SYT6: variants seen among roughly 807,000 people sequenced by gnomAD.
The protein encoded by SYT6 is synaptotagmin-6.
Under a neutral mutation model 38.4 loss-of-function variants are expected in SYT6, and 24 were observed. The ratio of observed to expected loss-of-function variants is 0.62; its 90% CI spans 0.45 to 0.88. The LOEUF is 0.88. Among genes scored for constraint, SYT6 ranks in the 40% least tolerant of loss-of-function variants. The pLI is 0.00. For missense variants in SYT6, 611 were observed against 621.0 expected, an observed-to-expected ratio of 0.98 and a Z score of 0.17; for synonymous variants, 265 against 241.9, an observed-to-expected ratio of 1.10 and a Z score of -0.89.
intron 3 of SYT6, among the ~76,000 whole-genome samples, chr1:114,104,319 T>C (rs563426206): frequency 1.3e-5 from 2 of 152,340 alleles, no homozygotes; most frequent in South Asian, 4.1e-4. Context: ...TCAGGTCCAC[T>C]TTCTCTTTTC....
At chr1:114,118,630 G>A (rs1418454897) in intron 3 of SYT6, among the ~76,000 whole-genome samples, 1 of 152,226 alleles carries the variant, frequency 6.6e-6, no homozygotes, top group East Asian at 1.9e-4. Flanking sequence ...TCCTGCTGCT[G>A]CTGCAGAGGG....
At chr1:114,135,944 T>A (rs1279112700) in intron 3 of SYT6, among the ~76,000 whole-genome samples, 1 of 152,310 alleles carries the variant, frequency 6.6e-6, no homozygotes, top group African/African-American at 2.4e-5. Context: ...GAGTGATTTA[T>A]GGAGTGGAGC....
intron 3 of SYT6, among the ~76,000 whole-genome samples, chr1:114,125,887 G>A (rs116776245): frequency 0.042 from 6,401 of 152,106 alleles, 175 homozygotes; most frequent in Non-Finnish European, 0.06. Flanking sequence ...GATCTTCCTT[G>A]CATGGAAAAG....
chr1:114,099,230 G>T lies in SYT6; in HGVS notation c.1228C>A (p.Arg410=). Reference sequence around the variant, plus strand: ...GTTGTTTTCTTCTTCTTCAGCCTCCGCCCATCACAGAGCAAGGACACTTTC... The same window carrying T: ...GTTGTTTTCTTCTTCTTCAGCCTCCTCCCATCACAGAGCAAGGACACTTTC... ...YVKVSLLCDG[R]RLKKKKTTIK... is the part of the protein sequence containing the mutation. The change falls in exon 5 of 8, where the codon CGG becomes AGG. Residue 410 remains arginine (R), a synonymous_variant. Coordinates refer to ENST00000610222, the MANE Select transcript of SYT6 (RefSeq NM_001253772.2). 1 of 1,613,654 alleles carries T rather than the reference G, an allele frequency of 6.2e-7. No homozygotes were observed. The highest frequency in any genetic ancestry group is 8.5e-7 in the Non-Finnish European group (1 of 1,179,780).
chr1:114,102,157 C>T (rs1676009906), intron 4 of SYT6, among the ~76,000 whole-genome samples: 1 of 152,208 alleles, frequency 6.6e-6, no homozygotes, highest in South Asian at 2.1e-4. Flanking sequence ...CAGCAAAATC[C>T]TATTTCCCTC....
intron 1 of SYT6, among the ~76,000 whole-genome samples, chr1:114,151,648 C>T (rs1218474853): frequency 7.9e-5 from 12 of 152,176 alleles, no homozygotes; most frequent in Non-Finnish European, 1.8e-4. Context: ...TATGTTCTCA[C>T]CCTCTAGGCT....
rs1230579547 is a variant in SYT6, at chr1:114,107,091, T to G, written c.1072-3370A>C. 2.6e-5 allele frequency among the ~76,000 whole-genome samples: 4 copies of G among 152,338 alleles called. No homozygotes were observed. In the East Asian group the frequency reaches 7.7e-4, roughly 29 times the overall value. On this transcript the variant is annotated intron_variant, in intron 3 of 7. Transcript: ENST00000610222. ...TGAGAGGGAGCAAACAAAAGGCCAC[T>G]GTCACCATTTCCCCACCACCAAGTC...
intron 5 of SYT6, 116 bp downstream of exon 5, chr1:114,098,978 A>T: frequency 9.7e-7 from 1 of 1,025,998 alleles, no homozygotes; most frequent in Non-Finnish European, 1.4e-6. Context: ...GATAGATTTG[A>T]GGCCTGAACC....
chr1:114,144,882 G>A (rs545434489), intron 1 of SYT6, among the ~76,000 whole-genome samples: 108 of 152,094 alleles, frequency 7.1e-4, no homozygotes, highest in African/African-American at 2.5e-3. Flanking sequence ...TATCACCTCC[G>A]AGAATAGGTA....
At chr1:114,136,868 A>G (rs891765422) in intron 3 of SYT6, among the ~76,000 whole-genome samples, 6 of 152,144 alleles carry the variant, frequency 3.9e-5, no homozygotes, top group South Asian at 2.1e-4. Context: ...CTCCCTTGAT[A>G]TTAGGAGTTA....
At chr1:114,149,177 T>C (rs1679305025) in intron 1 of SYT6, among the ~76,000 whole-genome samples, 1 of 53,252 alleles carries the variant, frequency 1.9e-5, no homozygotes, top group South Asian at 4.0e-4. Flanking sequence ...CTGGAAAAGG[T>C]GTACCTGAGG....
chr1:114,091,985 C>T lies in SYT6; in HGVS notation c.*149G>A. 6.5e-7 allele frequency: 1 copy of T among 1,535,226 alleles called. No homozygotes were observed. Among genetic ancestry groups the T allele is most frequent in the Non-Finnish European group, 8.7e-7 (1 of 1,146,008 alleles). The stretch of plus-strand genomic sequence containing the variant: ...AGTGCAAAGAGAACATTGCTGAGTC[C>T]CATTTGTGTTATTTGGCTGCACATC... On this transcript the variant is annotated 3_prime_UTR_variant, in exon 8 of 8. Coordinates refer to ENST00000610222, the MANE Select transcript of SYT6 (RefSeq NM_001253772.2).
chr1:114,151,888 C>T (rs1679454366), intron 1 of SYT6, among the ~76,000 whole-genome samples: 1 of 152,140 alleles, frequency 6.6e-6, no homozygotes, highest in Non-Finnish European at 1.5e-5. Context: ...AGGGAATCAA[C>T]TTCCCCAACC....
rs146219482 is a variant in SYT6, at chr1:114,143,032, A to G, written c.164-3069T>C. 6.8e-3 allele frequency among the ~76,000 whole-genome samples: 1,033 copies of G among 152,002 alleles called. 5 individuals are homozygous for G. The highest frequency in any genetic ancestry group is 0.012 in the Non-Finnish European group (791 of 67,984). On this transcript the variant is annotated intron_variant, in intron 1 of 7. Coordinates refer to ENST00000610222, the MANE Select transcript of SYT6 (RefSeq NM_001253772.2). ...TTCCTCTGATGGATCTGGGCAAAGT[A>G]AATTGAAAACCATATGAATAGGATT...
chr1:114,115,438 T>TG (rs1676934821), intron 3 of SYT6, among the ~76,000 whole-genome samples: 1 of 150,354 alleles, frequency 6.7e-6, no homozygotes, highest in South Asian at 2.1e-4. Context: ...TTTTTTTTTT[T>TG]GAGTGTCTCG....
At chr1:114,115,729 C>T (rs557120866) in intron 3 of SYT6, among the ~76,000 whole-genome samples, 10 of 152,212 alleles carry the variant, frequency 6.6e-5, no homozygotes, top group Non-Finnish European at 1.0e-4. Flanking sequence ...ACACATATTA[C>T]GTTCATTTTA....
chr1:114,143,669 G>T (rs1037451330), intron 1 of SYT6, among the ~76,000 whole-genome samples: 4 of 151,936 alleles, frequency 2.6e-5, no homozygotes, highest in Non-Finnish European at 4.4e-5. Flanking sequence ...GTCTGTAACT[G>T]AACCTACAAT....
At chr1:114,100,258 G>C (rs1388699636) in intron 4 of SYT6, among the ~76,000 whole-genome samples, 1 of 152,170 alleles carries the variant, frequency 6.6e-6, no homozygotes, top group African/African-American at 2.4e-5. Flanking sequence ...GGTAATAATA[G>C]CTTTCGAGAC....
intron 4 of SYT6, among the ~76,000 whole-genome samples, chr1:114,100,671 G>A (rs1276018979): frequency 2.0e-5 from 3 of 152,172 alleles, no homozygotes; most frequent in Non-Finnish European, 2.9e-5. Context: ...CCCTCTCTTA[G>A]GGATTTTCAG....
Sources: allele counts gnomAD v4.1 joint callset (sites outside exome capture counted in the v4.1 genomes callset), GRCh38; gene constraint gnomAD v4.1.1; transcripts MANE v1.5; gene names NCBI Gene and HGNC (gene_info 2026-07-23, HGNC 2026-07-21).